SPTAN1: variants seen among roughly 807,000 people sequenced by gnomAD.
The protein encoded by SPTAN1 is spectrin alpha chain, non-erythrocytic 1.
A neutral mutation model predicts 331.3 loss-of-function variants in SPTAN1; 61 were observed. The observed-to-expected ratio is 0.18, with a 90% CI of 0.15 to 0.23. The LOEUF (loss-of-function observed/expected upper bound fraction) is 0.23. Among genes scored for constraint, SPTAN1 ranks in the 10% least tolerant of loss-of-function variants. The probability of loss-of-function intolerance (pLI) is 1.00; values close to 1 mark genes in which losing one functional copy is unlikely to be tolerated. For missense variants in SPTAN1, 2,043 were observed against 3,147.9 expected, an observed-to-expected ratio of 0.65 and a Z score of 8.40; for synonymous variants, 1,153 against 1,173.9, an observed-to-expected ratio of 0.98 and a Z score of 0.36.
chr9:128,579,654 T>G lies in SPTAN1; in HGVS notation c.1239T>G (p.His413Gln). ...HQEHKGEIDA[H>Q]EDSFKSADES... is the part of the protein sequence containing the mutation. ...TCCTGTAGGGTGAAATTGATGCCCA[T>G]GAAGACAGCTTCAAATCTGCAGATG... The change falls in exon 10 of 57, where the codon CAT (histidine) becomes CAG (glutamine). Residue 413 changes from histidine (H) to glutamine (Q), a missense_variant. His to Gln is a conservative substitution (Grantham distance 24, BLOSUM62 0). Transcript: ENST00000372739. The G allele has an allele frequency of 6.2e-7, 1 of 1,614,102 alleles. No homozygotes were observed. Among genetic ancestry groups the G allele is most frequent in the Non-Finnish European group, 8.5e-7 (1 of 1,179,960 alleles).
intron 3 of SPTAN1, among the ~76,000 whole-genome samples, chr9:128,574,185 T>C: frequency 6.6e-6 from 1 of 152,050 alleles, no homozygotes. Flanking sequence ...CTTCAGTAAT[T>C]TCAGCTCAGT....
rs1003510735 is a variant in SPTAN1, at chr9:128,607,660, C to G, written c.4103C>G (p.Ala1368Gly). Residue 1368 changes from alanine to glycine, a missense_variant, in exon 32 of 57, where the codon GCC (alanine) becomes GGC (glycine). Physicochemically the swap from Ala to Gly is moderately conservative, Grantham distance 60. This residue lies in a region of SPTAN1 where 179 missense variants were observed against 215.7 expected (regional missense o/e 0.83). Coordinates refer to ENST00000372739, the MANE Select transcript of SPTAN1 (RefSeq NM_001130438.3). ...GGGTTGGTGTCCTCAGATGAGCTAG[C>G]CAAGGATGTCACCGGAGCTGAGGCA... ...IRGLVSSDEL[A>G]KDVTGAEALL... 5 of 1,614,020 alleles carry G rather than the reference C, an allele frequency of 3.1e-6. No individual in the cohort carries two copies. Among genetic ancestry groups the G allele is most frequent in the Non-Finnish European group, 3.4e-6 (4 of 1,180,012 alleles).
At chr9:128,631,928 T>C in intron 52 of SPTAN1, 199 bp from the exon 53 acceptor site, 1 of 612,992 alleles carries the variant, frequency 1.6e-6, no homozygotes, top group South Asian at 2.0e-5. Context: ...AACCCTCACA[T>C]TGAAAGTCTC....
At chr9:128,573,183 GA>G (rs1463253952) in intron 3 of SPTAN1, among the ~76,000 whole-genome samples, 3 of 152,212 alleles carry the variant, frequency 2.0e-5, no homozygotes, top group African/African-American at 7.2e-5. Flanking sequence ...TCAAGGCATT[GA>G]GGTTGGATTG....
In SPTAN1 at chr9:128,627,233, C is replaced by T; in HGVS notation, c.6577-153C>T. On this transcript the variant is annotated intron_variant, in intron 49 of 56. Coordinates refer to ENST00000372739, the MANE Select transcript of SPTAN1 (RefSeq NM_001130438.3). The surrounding 1 kb of genome is among the most constrained non-coding windows in gnomAD (Gnocchi z 4.9). The stretch of plus-strand genomic sequence containing the variant: ...GGAACAGAGAAAGAACTACCAAGTG[C>T]TCTGAGCCGGCCTCATGTCTCCCAG... 1 of 699,806 alleles carries T rather than the reference C, an allele frequency of 1.4e-6. No individual in the cohort carries two copies. The highest frequency in any genetic ancestry group is 2.5e-6 in the Non-Finnish European group (1 of 398,268). The allele number at this position is 699,806 out of a possible 1,614,324, so 43.3% of individuals were successfully genotyped here.
At chr9:128,599,163 C>G in intron 26 of SPTAN1, 177 bp downstream of exon 26, 1 of 697,468 alleles carries the variant, frequency 1.4e-6, no homozygotes. Context: ...GAGACGGAGT[C>G]TCACTCTGTC....
At chr9:128,593,752 C>A in intron 23 of SPTAN1, 1 of 246,102 alleles carries the variant, frequency 4.1e-6, no homozygotes. Flanking sequence ...CCACCTCACC[C>A]CAGCCTGGGG....
chr9:128,581,653 T>G, intron 11 of SPTAN1, 129 bp from the exon 12 acceptor site: 1 of 779,140 alleles, frequency 1.3e-6, no homozygotes, highest in Non-Finnish European at 2.3e-6. Flanking sequence ...AGAAGAGATC[T>G]TAGAAGTTTA....
intron 9 of SPTAN1, among the ~76,000 whole-genome samples, chr9:128,579,344 A>T (rs1048282366): frequency 3.9e-5 from 6 of 152,236 alleles, no homozygotes; most frequent in Non-Finnish European, 5.9e-5. Context: ...TTTGGCACAA[A>T]GAAGACAGAG....
intron 1 of SPTAN1, among the ~76,000 whole-genome samples, chr9:128,565,975 T>C (rs1026685847): frequency 6.6e-6 from 1 of 152,154 alleles, no homozygotes; most frequent in African/African-American, 2.4e-5. Flanking sequence ...TGAGGTCACA[T>C]GTTGCTGACA....
At position 128,626,610 on chromosome 9, in the gene SPTAN1, G is replaced by T; in HGVS notation, c.6499G>T (p.Val2167Leu). The T allele has an allele frequency of 6.2e-7, 1 of 1,613,884 alleles. No individual in the cohort carries two copies. The highest frequency in any genetic ancestry group is 8.5e-7 in the Non-Finnish European group (1 of 1,179,960). Residue 2167 changes from valine to leucine, a missense_variant, in exon 49 of 57, where the codon GTA becomes TTA. Physicochemically the swap from Val to Leu is conservative, Grantham distance 32 (BLOSUM62 1). This residue lies in a region of SPTAN1 where 256 missense variants were observed against 376.4 expected (regional missense o/e 0.68). Transcript: ENST00000372739. ...GGACCGCCAGATCAAGAGCTTCCGC[G>T]TAGCCTCCAACCCCTACACCTGGTT... is the stretch of plus-strand genomic sequence containing the variant. Reference protein sequence around the residue: ...ELDRQIKSFRVASNPYTWFTM... With the variant: ...ELDRQIKSFRLASNPYTWFTM...
In SPTAN1 at chr9:128,608,906, C is replaced by G. The variant is rs371100708; in HGVS notation, c.4524C>G (p.Ala1508=). ...EEKIAALQAF[A]DQLIAAGHYA... Reference sequence around the variant, plus strand: ...AGATTGCTGCTCTGCAGGCCTTTGCCGACCAGCTCATCGCTGCCGGCCATT... The same window carrying G: ...AGATTGCTGCTCTGCAGGCCTTTGCGGACCAGCTCATCGCTGCCGGCCATT... The change falls in exon 35 of 57, where the codon GCC becomes GCG. Residue 1508 remains alanine (A), a synonymous_variant. Coordinates refer to ENST00000372739, the MANE Select transcript of SPTAN1 (RefSeq NM_001130438.3). The G allele has an allele frequency of 3.1e-6, 5 of 1,614,058 alleles. No homozygotes were observed. Among genetic ancestry groups the G allele is most frequent in the African/African-American group, 1.3e-5 (1 of 74,938 alleles).
chr9:128,594,429 A>ATTTTTTTTTT (rs10679469), intron 24 of SPTAN1, 56 bp downstream of exon 24: 18 of 760,130 alleles, frequency 2.4e-5, no homozygotes, highest in Admixed American at 3.2e-5. Context: ...GAGTCTCTTG[A>ATTTTTTTTTT]TTTTTTTTTT....
Position 128,566,761 on chromosome 9 carries a change from A to G in SPTAN1, c.21A>G (p.Lys7=). 6.2e-7 allele frequency: 1 copy of G among 1,614,208 alleles called. No homozygotes were observed. The highest frequency in any genetic ancestry group is 8.5e-7 in the Non-Finnish European group (1 of 1,180,034). Residue 7 remains lysine (K), a synonymous_variant, in exon 2 of 57, where the codon AAA becomes AAG. Coordinates refer to ENST00000372739, the MANE Select transcript of SPTAN1 (RefSeq NM_001130438.3). MDPSGV[K]VLETAEDIQE... is the part of the protein sequence containing the mutation. ...AGAAAATGGACCCAAGTGGGGTCAA[A>G]GTGCTGGAAACAGCAGAGGACATCC...
In SPTAN1 at chr9:128,626,493, T is replaced by C; in HGVS notation, c.6382T>C (p.Leu2128=). The C allele has an allele frequency of 2.5e-6, 4 of 1,614,084 alleles. No homozygotes were observed. Among genetic ancestry groups the C allele is most frequent in the Non-Finnish European group, 3.4e-6 (4 of 1,180,000 alleles). The stretch of plus-strand genomic sequence containing the variant: ...AACAGACCCCGTGCGCTGCAACTCC[T>C]TGGAAGAAATCAAAGCTTTGCGCGA... ...DLTDPVRCNS[L]EEIKALREAH... is the part of the protein sequence containing the mutation. The change falls in exon 49 of 57, where the codon TTG becomes CTG. Residue 2128 remains leucine (L), a synonymous_variant. Transcript: ENST00000372739.
intron 43 of SPTAN1, 80 bp from the exon 44 acceptor site, chr9:128,618,791 T>A (rs1277237453): frequency 6.2e-7 from 1 of 1,608,918 alleles, no homozygotes; most frequent in African/African-American, 1.3e-5. Flanking sequence ...CTTTTGTGAC[T>A]GTTTTTAAGC....
intron 17 of SPTAN1, 46 bp from the exon 18 acceptor site, chr9:128,584,675 T>G (rs1222391680): frequency 6.2e-7 from 1 of 1,614,102 alleles, no homozygotes; most frequent in Non-Finnish European, 8.5e-7. Flanking sequence ...CAGTGCTGAC[T>G]TTTCTCTTCA....
At chr9:128,560,619 G>A (rs1002909611) in intron 1 of SPTAN1, among the ~76,000 whole-genome samples, 2 of 42,466 alleles carry the variant, frequency 4.7e-5, no homozygotes, top group Admixed American at 3.5e-4. Context: ...GACCTCAGGT[G>A]ATCTGCCCGC....
intron 42 of SPTAN1, 24 bp from the exon 43 acceptor site, chr9:128,617,952 TACCTGCTGTTA>T: frequency 6.2e-7 from 1 of 1,614,132 alleles, no homozygotes; most frequent in Non-Finnish European, 8.5e-7. Flanking sequence ...CCAGAAGAGC[TACCTGCTGTTA>T]ACCTCCTCGT....
Sources: gnomAD v4.1 joint callset for allele counts (sites outside exome capture counted in the v4.1 genomes callset) on GRCh38, gnomAD v4.1.1 for gene constraint, gnomAD v4.1.1 regional missense constraint, Gnocchi (gnomAD v3.1) non-coding constraint, MANE v1.5 for transcripts, NCBI Gene and HGNC (gene_info 2026-07-23, HGNC 2026-07-21) for gene names.